The following HS6ST2 variants were observed in gnomAD, a reference collection of about 807,000 sequenced individuals.
HS6ST2 encodes heparan-sulfate 6-O-sulfotransferase 2.
In HS6ST2, 17 loss-of-function variants were observed where a neutral mutation model predicts 33.0. That is an observed-to-expected ratio of 0.52 (90% confidence interval 0.35 to 0.77). HS6ST2 has a LOEUF of 0.77. Among genes scored for constraint, HS6ST2 ranks in the 30% least tolerant of loss-of-function variants. HS6ST2 has a pLI of 0.01. For missense variants in HS6ST2, 519 were observed against 551.7 expected (o/e 0.94, Z 0.59); for synonymous variants, 248 against 237.1 (o/e 1.05, Z -0.42).
At chrX:132,633,098 G>T (rs1307890048) in intron 4 of HS6ST2, among the ~76,000 whole-genome samples, 1 of 96,447 alleles carries the variant, frequency 1.0e-5, no homozygotes, top group Non-Finnish European at 2.1e-5. Flanking sequence ...AAAAAAAAAT[G>T]AGTCAAGGAG....
intron 4 of HS6ST2, among the ~76,000 whole-genome samples, chrX:132,651,419 T>C (rs1301912737): frequency 8.9e-6 from 1 of 111,934 alleles, no homozygotes; most frequent in Non-Finnish European, 1.9e-5. Flanking sequence ...CCAATCTGTT[T>C]GTGTTTCCAT....
At position 132,814,502 on chromosome X, in the gene HS6ST2, T is replaced by C. The variant is rs377342121; in HGVS notation, c.948-106008A>G. On this transcript the variant is annotated intron_variant, in intron 2 of 4. Coordinates refer to ENST00000370833, the MANE Select transcript of HS6ST2 (RefSeq NM_001394073.1). ...TTGGTATTTTACAGAGCCTGTTATATAGTTTTTTTGTTTTTGTTTTTCTTT... is the reference window on the plus strand; with the variant it reads ...TTGGTATTTTACAGAGCCTGTTATACAGTTTTTTTGTTTTTGTTTTTCTTT... Among the ~76,000 whole-genome samples the C allele has an allele frequency of 5.3e-4, 59 of 111,983 alleles. 1 individual carries two copies. The highest frequency in any genetic ancestry group is 1.9e-3 in the African/African-American group (58 of 30,821).
At chrX:132,855,438 T>A (rs2065844887) in intron 2 of HS6ST2, among the ~76,000 whole-genome samples, 1 of 112,324 alleles carries the variant, frequency 8.9e-6, no homozygotes, top group Non-Finnish European at 1.9e-5. Context: ...CCATGTCTAT[T>A]TATTCACCAA....
intron 2 of HS6ST2, among the ~76,000 whole-genome samples, chrX:132,797,405 G>A (rs757317987): frequency 8.7e-4 from 97 of 112,075 alleles, no homozygotes; most frequent in African/African-American, 2.9e-3. Context: ...TGTAAAAAGC[G>A]CTTGCCAAGA....
intron 4 of HS6ST2, among the ~76,000 whole-genome samples, chrX:132,639,301 G>C (rs960863402): frequency 7.1e-5 from 8 of 111,906 alleles, no homozygotes; most frequent in African/African-American, 2.3e-4. Flanking sequence ...CAAACTTTAT[G>C]ACCCATAGTT....
At chrX:132,702,841 G>A (rs2064156083) in intron 3 of HS6ST2, among the ~76,000 whole-genome samples, 1 of 111,290 alleles carries the variant, frequency 9.0e-6, no homozygotes, top group African/African-American at 3.3e-5. Context: ...ACAAGAGAAG[G>A]GACCTTGTCT....
At chrX:132,946,570 C>A (rs1184074640) in intron 2 of HS6ST2, among the ~76,000 whole-genome samples, 1 of 110,773 alleles carries the variant, frequency 9.0e-6, no homozygotes, top group Non-Finnish European at 1.9e-5. Flanking sequence ...TGAACAATGA[C>A]AACACTTGGA....
At chrX:132,733,458 G>A (rs1490622369) in intron 2 of HS6ST2, among the ~76,000 whole-genome samples, 3 of 109,998 alleles carry the variant, frequency 2.7e-5, no homozygotes, top group African/African-American at 9.9e-5. Flanking sequence ...GGTCTCTTTT[G>A]CTTGCCTCTC....
At chrX:132,788,779 G>A (rs768890404) in intron 2 of HS6ST2, among the ~76,000 whole-genome samples, 1 of 112,696 alleles carries the variant, frequency 8.9e-6, no homozygotes, top group South Asian at 3.6e-4. Context: ...GCCTTATTGC[G>A]GATATGGAGA....
intron 2 of HS6ST2, among the ~76,000 whole-genome samples, chrX:132,828,592 C>T (rs1382873064): frequency 1.9e-5 from 2 of 103,765 alleles, no homozygotes; most frequent in South Asian, 4.4e-4. Flanking sequence ...TAGTGGTTAC[C>T]TTGGGGGTGG....
chrX:132,636,544 G>A (rs1483702267), intron 4 of HS6ST2, among the ~76,000 whole-genome samples: 1 of 112,109 alleles, frequency 8.9e-6, no homozygotes, highest in Non-Finnish European at 1.9e-5. Context: ...ACACTCGTCA[G>A]AACAGGAGGA....
intron 2 of HS6ST2, among the ~76,000 whole-genome samples, chrX:132,924,228 A>T (rs2066686153): frequency 8.9e-6 from 1 of 112,018 alleles, no homozygotes; most frequent in Non-Finnish European, 1.9e-5. Context: ...TTTAGTGAAT[A>T]TATGCAAAAA....
chrX:132,884,077 A>G (rs1031394972), intron 2 of HS6ST2, among the ~76,000 whole-genome samples: 22 of 111,271 alleles, frequency 2.0e-4, no homozygotes, highest in Non-Finnish European at 3.8e-4. Context: ...CCTCTGTGGC[A>G]TGGCTCTGAC....
At chrX:132,840,121 A>G (rs1303218649) in intron 2 of HS6ST2, among the ~76,000 whole-genome samples, 1 of 111,408 alleles carries the variant, frequency 9.0e-6, no homozygotes, top group East Asian at 2.8e-4. Flanking sequence ...GTCTCAAAAA[A>G]AAATAATAAA....
chrX:132,931,646 A>G lies in HS6ST2; in HGVS notation c.947+25162T>C, dbSNP rs528043086. Among the ~76,000 whole-genome samples, 47 of 112,037 alleles carry G rather than the reference A, an allele frequency of 4.2e-4. No homozygotes were observed. The South Asian group carries it at 0.017, about 41-fold the overall frequency. On this transcript the variant is annotated intron_variant, in intron 2 of 4. Transcript: ENST00000370833. ...AGACACTGTACACCAACAGAAAGGC[A>G]AGCCATAAAACAGAGAGTTCCAAAG...
At chrX:132,958,080 G>T in intron 1 of HS6ST2, 95 bp downstream of exon 1, 2 of 863,185 alleles carry the variant, frequency 2.3e-6, no homozygotes, top group Non-Finnish European at 3.1e-6. Flanking sequence ...GGAACTTTAC[G>T]CCCTTCTCTA....
At chrX:132,645,607 A>C (rs1344242908) in intron 4 of HS6ST2, among the ~76,000 whole-genome samples, 7 of 112,053 alleles carry the variant, frequency 6.2e-5, no homozygotes, top group African/African-American at 2.3e-4. Flanking sequence ...ACGCAGGGAG[A>C]ACATGTCGAC....
intron 2 of HS6ST2, among the ~76,000 whole-genome samples, chrX:132,740,864 T>A (rs779210298): frequency 1.8e-5 from 2 of 111,254 alleles, no homozygotes; most frequent in South Asian, 7.6e-4. Context: ...GGAACATGGA[T>A]CACTGATATG....
At chrX:132,772,695 T>C (rs957958078) in intron 2 of HS6ST2, among the ~76,000 whole-genome samples, 1 of 96,850 alleles carries the variant, frequency 1.0e-5, no homozygotes, top group Non-Finnish European at 2.0e-5. Context: ...TAATTAACTG[T>C]AATGATTAAT....
Sources: allele counts gnomAD v4.1 joint callset (sites outside exome capture counted in the v4.1 genomes callset), GRCh38; gene constraint gnomAD v4.1.1; transcripts MANE v1.5; gene names NCBI Gene and HGNC (gene_info 2026-07-23, HGNC 2026-07-21).